Variants in DACH2 observed in about 807,000 individuals in gnomAD.
The protein encoded by DACH2 is dachshund family transcription factor 2.
Under a neutral mutation model 35.8 loss-of-function variants are expected in DACH2, and 17 were observed. That is an observed-to-expected ratio of 0.48 (90% confidence interval 0.33 to 0.71). The LOEUF (loss-of-function observed/expected upper bound fraction) is 0.71, where lower values mean the gene tolerates loss of function less well. Among genes scored for constraint, DACH2 ranks in the 30% least tolerant of loss-of-function variants. The probability of loss-of-function intolerance (pLI) is 0.02; values close to 1 mark genes in which losing one functional copy is unlikely to be tolerated. For missense variants in DACH2, 469 were observed against 472.7 expected (o/e 0.99, Z 0.07); for synonymous variants, 195 against 177.3 (o/e 1.10, Z -0.79).
intron 2 of DACH2, among the ~76,000 whole-genome samples, chrX:86,378,721 G>A (rs1247778884): frequency 1.8e-5 from 2 of 110,794 alleles, no homozygotes; most frequent in African/African-American, 3.3e-5. Flanking sequence ...GCTCTAAATG[G>A]TGAGTCCTCA....
At chrX:86,218,076 ATT>A (rs1198154132) in intron 1 of DACH2, among the ~76,000 whole-genome samples, 2 of 111,376 alleles carry the variant, frequency 1.8e-5, no homozygotes, top group Non-Finnish European at 3.8e-5. Flanking sequence ...CAATTCCCTC[ATT>A]TTACAGATGA....
intron 1 of DACH2, among the ~76,000 whole-genome samples, chrX:86,340,640 C>T (rs1037431070): frequency 1.3e-4 from 15 of 111,626 alleles, no homozygotes; most frequent in East Asian, 1.1e-3. Flanking sequence ...TTAAGCTTAG[C>T]GAGGAAGACA....
chrX:86,262,637 G>A (rs1417703573), intron 1 of DACH2, among the ~76,000 whole-genome samples: 1 of 80,120 alleles, frequency 1.2e-5, no homozygotes, highest in African/African-American at 7.6e-5. Flanking sequence ...AGAATAATCT[G>A]CTCCAAAAAA....
chrX:86,450,176 G>T (rs756877027), intron 2 of DACH2, among the ~76,000 whole-genome samples: 1 of 110,610 alleles, frequency 9.0e-6, no homozygotes, highest in South Asian at 3.8e-4. Context: ...CATCGCCTAG[G>T]TATTAAGCCT....
At chrX:86,268,604 A>G (rs1195204426) in intron 1 of DACH2, among the ~76,000 whole-genome samples, 1 of 108,218 alleles carries the variant, frequency 9.2e-6, no homozygotes, top group Admixed American at 1.0e-4. Flanking sequence ...GTGAGATCTC[A>G]GCTCACGGCA....
chrX:86,618,983 A>C (rs1033882440), intron 3 of DACH2, among the ~76,000 whole-genome samples: 2 of 111,967 alleles, frequency 1.8e-5, no homozygotes, highest in African/African-American at 6.5e-5. Flanking sequence ...TTAAACACAA[A>C]ATCTCATGTA....
intron 2 of DACH2, among the ~76,000 whole-genome samples, chrX:86,511,595 C>A (rs1451832312): frequency 9.0e-6 from 1 of 111,633 alleles, no homozygotes; most frequent in African/African-American, 3.3e-5. Flanking sequence ...ATGAAAAAAT[C>A]AAACCAAAAT....
chrX:86,516,874 C>G (rs1008037228), intron 3 of DACH2, among the ~76,000 whole-genome samples: 4 of 111,369 alleles, frequency 3.6e-5, no homozygotes, highest in Admixed American at 2.9e-4. Context: ...CATCCATGTT[C>G]CTACAAAAGA....
intron 2 of DACH2, among the ~76,000 whole-genome samples, chrX:86,501,674 A>C (rs2038250906): frequency 8.9e-6 from 1 of 111,752 alleles, no homozygotes; most frequent in South Asian, 3.7e-4. Context: ...TTTCTGACCA[A>C]ATGCATTTGA....
At chrX:86,198,319 T>A (rs190773002) in intron 1 of DACH2, among the ~76,000 whole-genome samples, 29 of 111,492 alleles carry the variant, frequency 2.6e-4, no homozygotes, top group African/African-American at 9.4e-4. Flanking sequence ...GTTAGAAAGA[T>A]CTCAATGTAA....
chrX:86,462,321 C>T (rs1447146545), intron 2 of DACH2, among the ~76,000 whole-genome samples: 2 of 111,131 alleles, frequency 1.8e-5, no homozygotes, highest in Admixed American at 9.6e-5. Flanking sequence ...CACATTCCTT[C>T]CTTGGGAATT....
chrX:86,674,016 T>C lies in DACH2; in HGVS notation c.773-21005T>C, dbSNP rs149540530. Among the ~76,000 whole-genome samples the C allele has an allele frequency of 7.7e-3, 867 of 111,910 alleles. 12 individuals are homozygous for C. The highest frequency in any genetic ancestry group is 0.027 in the African/African-American group (830 of 30,787). On this transcript the variant is annotated intron_variant, in intron 4 of 11. Transcript: ENST00000373125. The stretch of plus-strand genomic sequence containing the variant: ...TAATTAAACCTCTTTTCTATGTAAA[T>C]TACCTAGTCTCAGGTAGTTCTTTGT...
chrX:86,563,999 C>G (rs777503939), intron 3 of DACH2, among the ~76,000 whole-genome samples: 1 of 110,892 alleles, frequency 9.0e-6, no homozygotes, highest in African/African-American at 3.3e-5. Context: ...CTTAACCCTT[C>G]ATATGTACTA....
chrX:86,622,905 A>T (rs1202030816), intron 3 of DACH2, among the ~76,000 whole-genome samples: 2 of 112,151 alleles, frequency 1.8e-5, no homozygotes, highest in African/African-American at 6.5e-5. Context: ...TAAAAAGAAA[A>T]AAAACTGGTG....
chrX:86,463,234 T>C lies in DACH2; in HGVS notation c.528-51045T>C, dbSNP rs1457556717. Among the ~76,000 whole-genome samples, 3 of 110,662 alleles carry C rather than the reference T, an allele frequency of 2.7e-5. No homozygotes were observed. In the Admixed American group the frequency reaches 2.9e-4, roughly 11 times the overall value. On this transcript the variant is annotated intron_variant, in intron 2 of 11. Coordinates refer to ENST00000373125, the MANE Select transcript of DACH2 (RefSeq NM_053281.3). ...TGATATTGAAAAAACTGTACTAAAA[T>C]CATGAGAATATATGTAGGCACAGAT...
intron 11 of DACH2, among the ~76,000 whole-genome samples, chrX:86,820,106 G>T (rs1057005635): frequency 9.0e-6 from 1 of 111,528 alleles, no homozygotes; most frequent in Non-Finnish European, 1.9e-5. Context: ...AAATACTAAA[G>T]TTCAGGGGAG....
intron 2 of DACH2, among the ~76,000 whole-genome samples, chrX:86,482,151 A>C (rs1306980185): frequency 1.8e-5 from 2 of 111,800 alleles, no homozygotes; most frequent in African/African-American, 6.5e-5. Flanking sequence ...GTAAATTTCA[A>C]ATATTCTCAC....
intron 3 of DACH2, among the ~76,000 whole-genome samples, chrX:86,587,006 A>AGT: frequency 9.0e-6 from 1 of 111,100 alleles, no homozygotes; most frequent in Non-Finnish European, 1.9e-5. Flanking sequence ...ATTGCTTTGG[A>AGT]ATGGCCATTT....
chrX:86,408,612 C>G (rs927814909), intron 2 of DACH2, among the ~76,000 whole-genome samples: 1 of 111,839 alleles, frequency 8.9e-6, no homozygotes, highest in African/African-American at 3.3e-5. Context: ...GCTAACCTCA[C>G]AAGTAATTCA....
Sources: allele counts gnomAD v4.1 joint callset (sites outside exome capture counted in the v4.1 genomes callset), GRCh38; gene constraint gnomAD v4.1.1; transcripts MANE v1.5; gene names NCBI Gene and HGNC (gene_info 2026-07-23, HGNC 2026-07-21).